TJP1: variants seen among roughly 807,000 people sequenced by gnomAD.
TJP1 encodes the protein tight junction protein 1, also known as tight junction protein ZO-1.
A neutral mutation model predicts 194.2 loss-of-function variants in TJP1; 43 were observed. The observed-to-expected ratio is 0.22, with a 90% CI of 0.17 to 0.29. TJP1 has a LOEUF of 0.29. Ranked by LOEUF, TJP1 falls within the 10% of genes least tolerant of loss-of-function variation. The pLI, the probability that TJP1 is intolerant of heterozygous loss-of-function variation, is 1.00. For missense variants in TJP1, 1,971 were observed against 2,185.7 expected (o/e 0.90, Z 1.96); for synonymous variants, 801 against 779.0 (o/e 1.03, Z -0.47).
intron 8 of TJP1, among the ~76,000 whole-genome samples, chr15:29,754,752 AT>A (rs1253889131): frequency 2.6e-5 from 4 of 152,184 alleles, no homozygotes; most frequent in Non-Finnish European, 5.9e-5. Context: ...TAATCTGAAA[AT>A]GCAAAGTCTG....
At chr15:29,712,438 G>GA (rs2042298917) in intron 23 of TJP1, among the ~76,000 whole-genome samples, 1 of 152,108 alleles carries the variant, frequency 6.6e-6, no homozygotes, top group Non-Finnish European at 1.5e-5. Flanking sequence ...AAGCGCAATA[G>GA]AAAAATGAAA....
chr15:29,818,875 G>A (rs8023974), intron 1 of TJP1, among the ~76,000 whole-genome samples: 114,557 of 151,680 alleles, frequency 0.76, 44,202 homozygotes, highest in East Asian at 0.84. Flanking sequence ...GTAGTGCAGT[G>A]GCCCCGATCT....
At chr15:29,831,156 G>A (rs1309174302) in intron 2 of TJP1, among the ~76,000 whole-genome samples, 1 of 152,180 alleles carries the variant, frequency 6.6e-6, no homozygotes, top group African/African-American at 2.4e-5. Flanking sequence ...TAAAAGAGGA[G>A]AAAGAGGAGA....
intron 4 of TJP1, among the ~76,000 whole-genome samples, chr15:29,771,297 G>T (rs10152681): frequency 6.6e-6 from 1 of 151,960 alleles, no homozygotes; most frequent in Non-Finnish European, 1.5e-5. Context: ...ATTGCTCCTC[G>T]GTTACAAGCC....
At chr15:29,877,462 CCCA>C (rs1265610737) in intron 2 of TJP1, among the ~76,000 whole-genome samples, 1 of 152,004 alleles carries the variant, frequency 6.6e-6, no homozygotes, top group African/African-American at 2.4e-5. Flanking sequence ...AGCAATCTTC[CCCA>C]CCGCCTTGGC....
At chr15:29,956,234 T>C in exon 2 of TJP1, 1 of 1,286,218 alleles carries the variant, frequency 7.8e-7, no homozygotes, top group Non-Finnish European at 1.0e-6. Flanking sequence ...CCACTTACAG[T>C]GAGCTCACAG....
intron 1 of TJP1, among the ~76,000 whole-genome samples, chr15:29,808,221 T>C (rs879942404): frequency 5.9e-5 from 9 of 152,220 alleles, no homozygotes; most frequent in Admixed American, 3.9e-4. Flanking sequence ...TGAGCCGAGA[T>C]TGCACCACTG....
At chr15:29,756,054 T>C (rs2045625507) in intron 8 of TJP1, among the ~76,000 whole-genome samples, 1 of 151,930 alleles carries the variant, frequency 6.6e-6, no homozygotes, top group Non-Finnish European at 1.5e-5. Context: ...GAATACAATC[T>C]AACCAAGCAG....
At chr15:29,710,641 G>A (rs1324860845) in intron 24 of TJP1, among the ~76,000 whole-genome samples, 190 bp downstream of exon 24, 1 of 152,122 alleles carries the variant, frequency 6.6e-6, no homozygotes, top group Non-Finnish European at 1.5e-5. Context: ...TTAGCTAAAA[G>A]GCTTGTCCAA....
chr15:29,968,516 C>G (rs918452311), intron 1 of TJP1, among the ~76,000 whole-genome samples: 1 of 149,742 alleles, frequency 6.7e-6, no homozygotes, highest in African/African-American at 2.4e-5. Context: ...TGCTGCGCCC[C>G]GCGCGGCGCG....
At chr15:29,919,178 A>T (rs2054278872) in intron 2 of TJP1, among the ~76,000 whole-genome samples, 1 of 152,236 alleles carries the variant, frequency 6.6e-6, no homozygotes, top group Non-Finnish European at 1.5e-5. Context: ...AGAGAACAAT[A>T]CCTTTTAAGC....
chr15:29,707,169 G>C (rs1201617456), intron 25 of TJP1, among the ~76,000 whole-genome samples: 1 of 152,080 alleles, frequency 6.6e-6, no homozygotes, highest in Non-Finnish European at 1.5e-5. Flanking sequence ...AAACATCCAC[G>C]AAAGAGAGAC....
intron 2 of TJP1, among the ~76,000 whole-genome samples, chr15:29,793,259 T>C (rs553318984): frequency 1.3e-5 from 2 of 152,310 alleles, no homozygotes; most frequent in East Asian, 1.9e-4. Context: ...GTGGCTTTTA[T>C]TGTGTTGAGG....
intron 2 of TJP1, among the ~76,000 whole-genome samples, chr15:29,864,650 A>G (rs553368302): frequency 6.6e-6 from 1 of 152,172 alleles, no homozygotes; most frequent in Non-Finnish European, 1.5e-5. Flanking sequence ...GGAACCTGGA[A>G]GTTGACCTCT....
At chr15:29,935,717 C>A (rs567496507) in intron 2 of TJP1, among the ~76,000 whole-genome samples, 3 of 152,074 alleles carry the variant, frequency 2.0e-5, no homozygotes, top group Non-Finnish European at 4.4e-5. Flanking sequence ...GTCCCCTACA[C>A]CCCCGTTCCT....
At chr15:29,814,200 C>T (rs1401463402) in intron 1 of TJP1, among the ~76,000 whole-genome samples, 1 of 152,168 alleles carries the variant, frequency 6.6e-6, no homozygotes, top group East Asian at 1.9e-4. Context: ...GACTTTGTCA[C>T]CTCCTCCAAC....
chr15:29,894,175 T>C (rs2053403520), intron 2 of TJP1, among the ~76,000 whole-genome samples: 2 of 152,134 alleles, frequency 1.3e-5, no homozygotes, highest in African/African-American at 4.8e-5. Context: ...ATATGCAAAA[T>C]TGGCCAGGCG....
chr15:29,716,916 T>C, intron 22 of TJP1, 78 bp from the exon 23 acceptor site: 2 of 1,277,824 alleles, frequency 1.6e-6, no homozygotes, highest in Non-Finnish European at 2.2e-6. Flanking sequence ...GTAAGTCTTA[T>C]CTTGACTAAA....
intron 2 of TJP1, among the ~76,000 whole-genome samples, chr15:29,841,603 T>A (rs747762902): frequency 4.6e-5 from 7 of 152,158 alleles, no homozygotes; most frequent in Non-Finnish European, 8.8e-5. Flanking sequence ...GTATAGGCTA[T>A]AAAATCCTGA....
Sources: gnomAD v4.1 joint callset for allele counts (sites outside exome capture counted in the v4.1 genomes callset) on GRCh38, gnomAD v4.1.1 for gene constraint, MANE v1.5 for transcripts, NCBI Gene and HGNC (gene_info 2026-07-23, HGNC 2026-07-21) for gene names.